The following CADPS2 variants were observed in gnomAD, a reference collection of about 807,000 sequenced individuals.
The protein encoded by CADPS2 is calcium-dependent secretion activator 2.
In CADPS2, 93 loss-of-function variants were observed where a neutral mutation model predicts 172.5. The ratio of observed to expected loss-of-function variants is 0.54; its 90% CI spans 0.46 to 0.64. The LOEUF (loss-of-function observed/expected upper bound fraction) is 0.64. CADPS2 is among the 30% of genes least tolerant of loss of function. The pLI is 0.00. For missense variants in CADPS2, 1,420 were observed against 1,565.9 expected, an observed-to-expected ratio of 0.91 and a Z score of 1.57; for synonymous variants, 546 against 555.2, an observed-to-expected ratio of 0.98 and a Z score of 0.23.
intron 1 of CADPS2, among the ~76,000 whole-genome samples, chr7:122,739,401 A>C (rs1048171682): frequency 2.0e-5 from 3 of 152,168 alleles, no homozygotes; most frequent in East Asian, 3.9e-4. Flanking sequence ...TCTAAACTAC[A>C]ATATTTGCAA....
At chr7:122,560,035 A>G (rs973230209) in intron 7 of CADPS2, among the ~76,000 whole-genome samples, 1 of 152,116 alleles carries the variant, frequency 6.6e-6, no homozygotes, top group Admixed American at 6.5e-5. Context: ...CTGGTTAAAA[A>G]AGAGAGAGGT....
intron 3 of CADPS2, among the ~76,000 whole-genome samples, chr7:122,639,795 G>C (rs1304320223): frequency 6.6e-6 from 1 of 152,072 alleles, no homozygotes; most frequent in African/African-American, 2.4e-5. Flanking sequence ...TCCCTTGAGC[G>C]CTCATAAACA....
chr7:122,455,256 A>G (rs953427277), intron 14 of CADPS2, among the ~76,000 whole-genome samples: 2 of 152,110 alleles, frequency 1.3e-5, no homozygotes, highest in African/African-American at 4.8e-5. Context: ...ACAAAATCAT[A>G]TATGCACACA....
chr7:122,662,322 A>T (rs2135349711), intron 3 of CADPS2, among the ~76,000 whole-genome samples: 1 of 151,976 alleles, frequency 6.6e-6, no homozygotes, highest in South Asian at 2.1e-4. Flanking sequence ...TAGACAAATC[A>T]TTGGGTCTAA....
At position 122,489,973 on chromosome 7, in the gene CADPS2, T is replaced by C. The variant is rs140295079; in HGVS notation, c.1852+108A>G. ...CTAATATGAACTATTTTCATTTAAT[T>C]AGGAATCAATTAATGATGTAAACTA... On this transcript the variant is annotated intron_variant, in intron 11 of 29. Transcript: ENST00000449022. 5.6e-6 allele frequency: 5 copies of C among 897,784 alleles called. No individual in the cohort carries two copies. The East Asian group carries it at 8.0e-5, about 14-fold the overall frequency. 55.6% of individuals were successfully genotyped at this position (897,784 alleles called of 1,614,324 possible).
intron 7 of CADPS2, among the ~76,000 whole-genome samples, chr7:122,556,489 T>C (rs918466656): frequency 3.9e-5 from 6 of 152,110 alleles, no homozygotes; most frequent in East Asian, 1.9e-4. Context: ...TAAAAATTGG[T>C]ATTGTACCAA....
chr7:122,857,576 T>C (rs747090214), intron 1 of CADPS2, among the ~76,000 whole-genome samples: 10 of 152,202 alleles, frequency 6.6e-5, no homozygotes, highest in Non-Finnish European at 1.3e-4. Context: ...TTACAGCTTA[T>C]GTGCATTCAG....
intron 1 of CADPS2, among the ~76,000 whole-genome samples, chr7:122,837,060 T>G (rs192313319): frequency 3.0e-4 from 45 of 152,084 alleles, no homozygotes; most frequent in Middle Eastern, 6.8e-3. Flanking sequence ...TAAAAGAACA[T>G]AAATTATAAC....
intron 1 of CADPS2, among the ~76,000 whole-genome samples, chr7:122,818,849 A>T (rs1459736576): frequency 1.3e-5 from 2 of 152,132 alleles, no homozygotes; most frequent in African/African-American, 4.8e-5. Flanking sequence ...CAAATATAAA[A>T]ATCCAGCCCA....
intron 1 of CADPS2, among the ~76,000 whole-genome samples, chr7:122,788,317 T>C (rs1794522545): frequency 6.6e-6 from 1 of 152,208 alleles, no homozygotes; most frequent in Admixed American, 6.5e-5. Context: ...GTCTGGAGGA[T>C]CTAAGTTACT....
At chr7:122,759,423 T>C (rs2093298484) in intron 1 of CADPS2, among the ~76,000 whole-genome samples, 1 of 152,218 alleles carries the variant, frequency 6.6e-6, no homozygotes, top group Non-Finnish European at 1.5e-5. Context: ...AATAAAGTTA[T>C]GTTTCTTTTC....
At chr7:122,403,671 A>G (rs1172247256) in intron 20 of CADPS2, among the ~76,000 whole-genome samples, 1 of 152,214 alleles carries the variant, frequency 6.6e-6, no homozygotes, top group Non-Finnish European at 1.5e-5. Flanking sequence ...CCACAAATTT[A>G]CACTTGCATT....
chr7:122,510,783 A>G (rs1166550794), intron 9 of CADPS2, among the ~76,000 whole-genome samples: 1 of 152,178 alleles, frequency 6.6e-6, no homozygotes, highest in Non-Finnish European at 1.5e-5. Context: ...AAATATTAAT[A>G]AAAACTACCC....
intron 1 of CADPS2, among the ~76,000 whole-genome samples, chr7:122,738,584 A>C (rs1346948626): frequency 6.6e-6 from 1 of 152,116 alleles, no homozygotes; most frequent in African/African-American, 2.4e-5. Flanking sequence ...AAGCATCTGG[A>C]AACATACTGA....
chr7:122,569,804 G>A (rs1462033025), intron 7 of CADPS2, among the ~76,000 whole-genome samples: 231 of 145,258 alleles, frequency 1.6e-3, no homozygotes, highest in African/African-American at 5.4e-3. Context: ...TTTAATAAAT[G>A]GTGCTGGGAA....
chr7:122,478,596 A>T (rs2056962713), intron 12 of CADPS2, among the ~76,000 whole-genome samples: 2 of 152,176 alleles, frequency 1.3e-5, no homozygotes, highest in African/African-American at 4.8e-5. Flanking sequence ...TAAAAATTAA[A>T]TTTTTTCATT....
chr7:122,450,362 A>G lies in CADPS2; in HGVS notation c.2288+1012T>C, dbSNP rs78482462. 3.8e-3 allele frequency among the ~76,000 whole-genome samples: 585 copies of G among 152,234 alleles called. 5 individuals carry two copies. Among genetic ancestry groups the G allele is most frequent in the African/African-American group, 0.013 (555 of 41,554 alleles). ...AATACATTATGTGGTGACATTTTAT[A>G]GGCCTAATAATAAGGGAGAAAAAGA... is the stretch of plus-strand genomic sequence containing the variant. On this transcript the variant is annotated intron_variant, in intron 15 of 29. Coordinates refer to ENST00000449022, the MANE Select transcript of CADPS2 (RefSeq NM_017954.11).
At chr7:122,741,064 C>T (rs2092449690) in intron 1 of CADPS2, among the ~76,000 whole-genome samples, 1 of 151,974 alleles carries the variant, frequency 6.6e-6, no homozygotes, top group African/African-American at 2.4e-5. Context: ...TTCTTAATTG[C>T]AAAAACAAGG....
intron 6 of CADPS2, among the ~76,000 whole-genome samples, chr7:122,600,069 G>A (rs1007805965): frequency 6.6e-6 from 1 of 152,076 alleles, no homozygotes; most frequent in Non-Finnish European, 1.5e-5. Context: ...AAAGGAATTT[G>A]CTGTTTGACA....
Sources: gnomAD v4.1 joint callset for allele counts (sites outside exome capture counted in the v4.1 genomes callset) on GRCh38, gnomAD v4.1.1 for gene constraint, MANE v1.5 for transcripts, NCBI Gene and HGNC (gene_info 2026-07-23, HGNC 2026-07-21) for gene names.